GRID2: variants seen among roughly 807,000 people sequenced by gnomAD.
GRID2 encodes the protein glutamate ionotropic receptor delta type subunit 2.
A neutral mutation model predicts 114.8 loss-of-function variants in GRID2; 33 were observed. The ratio of observed to expected loss-of-function variants is 0.29; its 90% CI spans 0.22 to 0.38. GRID2 has a LOEUF of 0.38. Ranked by LOEUF, GRID2 falls within the 10% of genes least tolerant of loss-of-function variation. The probability of loss-of-function intolerance (pLI) is 1.00; values close to 1 mark genes in which losing one functional copy is unlikely to be tolerated. For synonymous variants in GRID2, 505 were observed against 449.9 expected (o/e 1.12, Z -1.55); for missense variants, 1,184 against 1,257.7 (o/e 0.94, Z 0.89).
chr4:93,727,461 T>C lies in GRID2; in HGVS notation c.2361-41749T>C, dbSNP rs531758348. Among the ~76,000 whole-genome samples, 207 of 152,280 alleles carry C rather than the reference T, an allele frequency of 1.4e-3. 1 individual carries two copies. The Middle Eastern group carries it at 0.017, about 13-fold the overall frequency. On this transcript the variant is annotated intron_variant, in intron 14 of 15. Coordinates refer to ENST00000282020, the MANE Select transcript of GRID2 (RefSeq NM_001510.4). ...TCTAAAATTCTCTTTTTTGGTTGTGTCTCTGCCAGGCTTTGGTATCAGGAT... is the reference window on the plus strand; with the variant it reads ...TCTAAAATTCTCTTTTTTGGTTGTGCCTCTGCCAGGCTTTGGTATCAGGAT...
At chr4:93,472,764 C>T (rs555972017) in intron 11 of GRID2, among the ~76,000 whole-genome samples, 1 of 152,226 alleles carries the variant, frequency 6.6e-6, no homozygotes, top group Middle Eastern at 3.4e-3. Flanking sequence ...AAAGATGTTT[C>T]ATCATCAAAC....
intron 1 of GRID2, among the ~76,000 whole-genome samples, chr4:92,509,586 A>G (rs1407715005): frequency 2.0e-5 from 3 of 151,972 alleles, no homozygotes; most frequent in African/African-American, 7.2e-5. Flanking sequence ...AATAAAATAT[A>G]GAGTGTATTA....
chr4:92,497,562 C>T (rs1402401090), intron 1 of GRID2, among the ~76,000 whole-genome samples: 1 of 151,822 alleles, frequency 6.6e-6, no homozygotes, highest in Admixed American at 6.6e-5. Flanking sequence ...TACAGCATTA[C>T]TTAGAAAGGC....
intron 1 of GRID2, among the ~76,000 whole-genome samples, chr4:92,329,723 C>T (rs536299264): frequency 6.6e-6 from 1 of 151,852 alleles, no homozygotes; most frequent in African/African-American, 2.4e-5. Flanking sequence ...TGCAGCTTAC[C>T]TCTAAAATGG....
chr4:93,656,854 A>C (rs1366351215), intron 14 of GRID2, among the ~76,000 whole-genome samples: 5 of 148,382 alleles, frequency 3.4e-5, no homozygotes, highest in Admixed American at 1.3e-4. Flanking sequence ...AAAAAAAAAA[A>C]AAACAAATAA....
chr4:92,500,971 G>A (rs1156884373), intron 1 of GRID2, among the ~76,000 whole-genome samples: 1 of 152,004 alleles, frequency 6.6e-6, no homozygotes, highest in African/African-American at 2.4e-5. Context: ...TATCTTTACA[G>A]CTCTGGTTCT....
chr4:92,782,244 G>A lies in GRID2; in HGVS notation c.244+191958G>A, dbSNP rs181958784. 2.6e-4 allele frequency among the ~76,000 whole-genome samples: 40 copies of A among 152,034 alleles called. No individual in the cohort carries two copies. In the East Asian group the frequency reaches 5.1e-3, roughly 19 times the overall value. On this transcript the variant is annotated intron_variant, in intron 2 of 15. Transcript: ENST00000282020. ...TTCTTCAGGAATTTGGGGTTTATTGGTACTTTGAGAGCTCTCCTAATTTGT... is the reference window on the plus strand; with the variant it reads ...TTCTTCAGGAATTTGGGGTTTATTGATACTTTGAGAGCTCTCCTAATTTGT...
chr4:92,816,074 G>A (rs573999533), intron 2 of GRID2, among the ~76,000 whole-genome samples: 199 of 151,408 alleles, frequency 1.3e-3, no homozygotes, highest in African/African-American at 4.7e-3. Flanking sequence ...CCAGCACTTT[G>A]GGAGGCCAAG....
intron 2 of GRID2, among the ~76,000 whole-genome samples, chr4:92,650,861 ATACAG>A (rs1731893772): frequency 6.6e-6 from 1 of 152,116 alleles, no homozygotes; most frequent in Non-Finnish European, 1.5e-5. Flanking sequence ...TTCAGAGCCT[ATACAG>A]TCTTCTGTAG....
intron 14 of GRID2, among the ~76,000 whole-genome samples, chr4:93,733,898 G>A (rs1442177917): frequency 6.6e-6 from 1 of 152,056 alleles, no homozygotes; most frequent in Non-Finnish European, 1.5e-5. Context: ...AGAGCAAGCA[G>A]CAAAGCTATT....
chr4:92,884,562 G>T (rs943853614), intron 2 of GRID2: 4 of 155,182 alleles, frequency 2.6e-5, no homozygotes, highest in African/African-American at 9.7e-5. Context: ...TTAAAATAAG[G>T]GATGTGCAGT....
chr4:93,041,983 A>C (rs912148064), intron 2 of GRID2, among the ~76,000 whole-genome samples: 39 of 152,036 alleles, frequency 2.6e-4, no homozygotes, highest in Middle Eastern at 3.4e-3. Context: ...ACTCACTGCA[A>C]CCTCTGCCTC....
At chr4:92,442,821 G>C (rs906616796) in intron 1 of GRID2, among the ~76,000 whole-genome samples, 1 of 152,140 alleles carries the variant, frequency 6.6e-6, no homozygotes, top group Non-Finnish European at 1.5e-5. Context: ...AGAAAAAGGA[G>C]CATTAACCTT....
intron 4 of GRID2, among the ~76,000 whole-genome samples, chr4:93,128,712 T>C (rs998182395): frequency 5.9e-5 from 9 of 152,194 alleles, no homozygotes; most frequent in Non-Finnish European, 1.2e-4. Flanking sequence ...GCCTATTTCT[T>C]AGCAAACACA....
intron 4 of GRID2, among the ~76,000 whole-genome samples, chr4:93,165,123 A>G (rs1308216122): frequency 1.3e-5 from 2 of 152,098 alleles, no homozygotes; most frequent in Non-Finnish European, 2.9e-5. Context: ...GGTTTAACAC[A>G]GTGCCTAATA....
chr4:92,440,042 A>G (rs934420370), intron 1 of GRID2, among the ~76,000 whole-genome samples: 1 of 146,146 alleles, frequency 6.8e-6, no homozygotes, highest in African/African-American at 2.4e-5. Flanking sequence ...AAAAAGGAGC[A>G]TCTGTACAGG....
At chr4:93,800,443 C>T (rs946829277) in intron 1 of GRID2, among the ~76,000 whole-genome samples, 2 of 152,132 alleles carry the variant, frequency 1.3e-5, no homozygotes, top group Non-Finnish European at 2.9e-5. Context: ...ATGTAAGTAG[C>T]ATTGAGGAAA....
chr4:93,613,790 G>A (rs547394963), intron 13 of GRID2, among the ~76,000 whole-genome samples: 5 of 151,914 alleles, frequency 3.3e-5, no homozygotes, highest in South Asian at 2.1e-4. Flanking sequence ...GCCCCAAGAC[G>A]TGGAGCCTAC....
At chr4:92,490,997 A>G (rs1284428727) in intron 1 of GRID2, among the ~76,000 whole-genome samples, 1 of 152,182 alleles carries the variant, frequency 6.6e-6, no homozygotes, top group Non-Finnish European at 1.5e-5. Flanking sequence ...TGGAGTTATT[A>G]AGCTAGTATT....
Sources: gnomAD v4.1 joint callset for allele counts (sites outside exome capture counted in the v4.1 genomes callset) on GRCh38, gnomAD v4.1.1 for gene constraint, MANE v1.5 for transcripts, NCBI Gene and HGNC (gene_info 2026-07-23, HGNC 2026-07-21) for gene names.